The following UBAP2 variants were observed in gnomAD, a reference collection of about 807,000 sequenced individuals.
UBAP2 encodes the protein ubiquitin associated protein 2, also known as ubiquitin-associated protein 2.
In UBAP2, 75 loss-of-function variants were observed where a neutral mutation model predicts 139.6. The ratio of observed to expected loss-of-function variants is 0.54; its 90% CI spans 0.45 to 0.65. The LOEUF is 0.65. UBAP2 is among the 30% of genes least tolerant of loss of function. The pLI, the probability that UBAP2 is intolerant of heterozygous loss-of-function variation, is 0.00. For missense variants in UBAP2, 1,368 were observed against 1,369.6 expected, an observed-to-expected ratio of 1.00 and a Z score of 0.02; for synonymous variants, 526 against 526.2, an observed-to-expected ratio of 1.00 and a Z score of 0.01.
At chr9:34,043,539 ACT>A (rs1827279028) in intron 1 of UBAP2, among the ~76,000 whole-genome samples, 1 of 151,270 alleles carries the variant, frequency 6.6e-6, no homozygotes, top group Non-Finnish European at 1.5e-5. Context: ...ATAGGGTCTC[ACT>A]CTGTCACCCA....
intron 6 of UBAP2, among the ~76,000 whole-genome samples, chr9:33,976,750 A>G (rs1299042153): frequency 6.6e-6 from 1 of 152,030 alleles, no homozygotes; most frequent in East Asian, 1.9e-4. Context: ...TAATCCTAGC[A>G]CTTTGGGAGG....
chr9:33,933,405 C>G, intron 18 of UBAP2, 85 bp downstream of exon 18: 2 of 1,462,094 alleles, frequency 1.4e-6, no homozygotes, highest in Non-Finnish European at 1.9e-6. Flanking sequence ...AACAAGTGTG[C>G]TCTGTTCATG....
At position 33,944,550 on chromosome 9, in the gene UBAP2, G is replaced by A. The variant is rs1411449772; in HGVS notation, c.1360C>T (p.Pro454Ser). The change falls in exon 14 of 29, where the codon CCT (proline) becomes TCT (serine). Residue 454 changes from proline (P) to serine (S), a missense_variant. Pro to Ser is a moderately conservative substitution (Grantham distance 74). Coordinates refer to ENST00000379238, the MANE Select transcript of UBAP2 (RefSeq NM_001370062.2). ...HQSQAVTVPP[P>S]GLESFPSQAK... ...TGGGAAGGAAAGGACTCCAAACCAG[G>A]AGGAGGAACAGTGACTGCCTGGCTC... The A allele has an allele frequency of 2.5e-6, 4 of 1,614,038 alleles. No homozygotes were observed. The highest frequency in any genetic ancestry group is 1.7e-5 in the Admixed American group (1 of 60,000).
At chr9:33,930,382 A>G (rs761216676) in intron 19 of UBAP2, among the ~76,000 whole-genome samples, 1 of 152,182 alleles carries the variant, frequency 6.6e-6, no homozygotes, top group Non-Finnish European at 1.5e-5. Context: ...CTGTGGTATC[A>G]AGACTGAAAA....
chr9:33,977,690 TTTTGCTCTGTCACCCAG>T (rs1820275453), intron 6 of UBAP2, among the ~76,000 whole-genome samples: 1 of 151,312 alleles, frequency 6.6e-6, no homozygotes, highest in Non-Finnish European at 1.5e-5. Flanking sequence ...TGAGACAGAG[TTTTGCTCTGTCACCCAG>T]GCTGGAGTGC....
At chr9:33,926,848 C>CA (rs1357862347) in intron 21 of UBAP2, 141 bp downstream of exon 21, 1 of 977,466 alleles carries the variant, frequency 1.0e-6, no homozygotes, top group African/African-American at 1.6e-5. Context: ...CACCAGGGCT[C>CA]AGTGGGGCAG....
chr9:33,965,765 T>C (rs1297186334), intron 8 of UBAP2, among the ~76,000 whole-genome samples: 1 of 152,164 alleles, frequency 6.6e-6, no homozygotes, highest in Non-Finnish European at 1.5e-5. Flanking sequence ...TCAGGGAGTG[T>C]GGGCCGGGTG....
intron 2 of UBAP2, among the ~76,000 whole-genome samples, chr9:34,007,669 C>T (rs1587650449): frequency 6.8e-6 from 1 of 147,022 alleles, no homozygotes; most frequent in African/African-American, 2.5e-5. Flanking sequence ...GACTGAGTCT[C>T]GCTCTGTTGC....
At chr9:34,036,690 CTA>C (rs990208114) in intron 1 of UBAP2, among the ~76,000 whole-genome samples, 14 of 152,086 alleles carry the variant, frequency 9.2e-5, no homozygotes, top group African/African-American at 3.4e-4. Context: ...AAGTGAACAC[CTA>C]TAGAGTAGCA....
rs1015418274 is a variant in UBAP2, at chr9:33,955,695, G to A, written c.866+384C>T. 2.0e-5 allele frequency among the ~76,000 whole-genome samples: 3 copies of A among 150,822 alleles called. No homozygotes were observed. In the East Asian group the frequency reaches 5.9e-4, roughly 30 times the overall value. Reference sequence around the variant, plus strand: ...TACAAAATTAGCTGGGCGTGGGGGCGCATGCCTGTAATCCCAGCTACCTGG... The same window carrying A: ...TACAAAATTAGCTGGGCGTGGGGGCACATGCCTGTAATCCCAGCTACCTGG... On this transcript the variant is annotated intron_variant, in intron 11 of 28. Coordinates refer to ENST00000379238, the MANE Select transcript of UBAP2 (RefSeq NM_001370062.2).
At chr9:33,986,639 A>G in intron 6 of UBAP2, 121 bp downstream of exon 6, 1 of 856,608 alleles carries the variant, frequency 1.2e-6, no homozygotes, top group Non-Finnish European at 2.0e-6. Context: ...AAATGATCAG[A>G]TTTTAGATGA....
At chr9:34,034,054 A>C (rs1826119177) in intron 1 of UBAP2, among the ~76,000 whole-genome samples, 1 of 152,168 alleles carries the variant, frequency 6.6e-6, no homozygotes, top group South Asian at 2.1e-4. Context: ...ATTCTTAATG[A>C]AGACCAGATG....
intron 6 of UBAP2, among the ~76,000 whole-genome samples, chr9:33,985,838 A>G (rs1342063860): frequency 6.6e-6 from 1 of 152,048 alleles, no homozygotes; most frequent in African/African-American, 2.4e-5. Flanking sequence ...CCTGGCCAAC[A>G]TGGTAAAACC....
chr9:34,022,377 C>A (rs1192152502), intron 1 of UBAP2, among the ~76,000 whole-genome samples: 1 of 151,012 alleles, frequency 6.6e-6, no homozygotes, highest in East Asian at 1.9e-4. Context: ...GAGGCTGAGG[C>A]AGGAAGATCA....
chr9:33,960,755 G>A, intron 10 of UBAP2, 71 bp downstream of exon 10: 1 of 1,484,640 alleles, frequency 6.7e-7, no homozygotes, highest in African/African-American at 1.4e-5. Context: ...ATTCCAGCCT[G>A]GGCAACAAAA....
At chr9:33,961,245 T>C (rs1827023513) in intron 9 of UBAP2, among the ~76,000 whole-genome samples, 1 of 152,230 alleles carries the variant, frequency 6.6e-6, no homozygotes, top group Non-Finnish European at 1.5e-5. Context: ...ATGGTTTGAT[T>C]TCTTCCGATA....
At chr9:34,007,577 T>C (rs1413193598) in intron 2 of UBAP2, among the ~76,000 whole-genome samples, 1 of 152,082 alleles carries the variant, frequency 6.6e-6, no homozygotes, top group Non-Finnish European at 1.5e-5. Flanking sequence ...GGATGTTGAA[T>C]TTTTTCACAT....
rs762761618 is a variant in UBAP2, at chr9:33,960,976, T to C, written c.746-98A>G. 7 of 1,107,558 alleles carry C rather than the reference T, an allele frequency of 6.3e-6. No homozygotes were observed. In the African/African-American group the frequency reaches 7.8e-5, roughly 12 times the overall value. The allele number at this position is 1,107,558 out of a possible 1,614,324, so 68.6% of individuals were successfully genotyped here. On this transcript the variant is annotated intron_variant, in intron 9 of 28. Coordinates refer to ENST00000379238, the MANE Select transcript of UBAP2 (RefSeq NM_001370062.2). Reference sequence around the variant, plus strand: ...TTGTGTACTATGCGGGGAAAAAAGATACATACGCCTCACTAGCAATTTAGT... The same window carrying C: ...TTGTGTACTATGCGGGGAAAAAAGACACATACGCCTCACTAGCAATTTAGT...
chr9:34,013,727 A>AAG, intron 2 of UBAP2, among the ~76,000 whole-genome samples: 1 of 151,762 alleles, frequency 6.6e-6, no homozygotes, highest in East Asian at 1.9e-4. Context: ...AAATACAAAA[A>AAG]TTAGCCAGGC....
Sources: allele counts gnomAD v4.1 joint callset (sites outside exome capture counted in the v4.1 genomes callset), GRCh38; gene constraint gnomAD v4.1.1; transcripts MANE v1.5; gene names NCBI Gene and HGNC (gene_info 2026-07-23, HGNC 2026-07-21).